The following MACROD1 variants were observed in gnomAD, a reference collection of about 807,000 sequenced individuals.
MACROD1 encodes mono-ADP ribosylhydrolase 1.
Under a neutral mutation model 41.4 loss-of-function variants are expected in MACROD1, and 31 were observed. The observed-to-expected ratio is 0.75, with a 90% CI of 0.56 to 1.01. MACROD1 has a LOEUF of 1.01. Ranked by LOEUF, MACROD1 falls within the 50% of genes least tolerant of loss-of-function variation. The pLI, the probability that MACROD1 is intolerant of heterozygous loss-of-function variation, is 0.00. For synonymous variants in MACROD1, 252 were observed against 203.4 expected, an observed-to-expected ratio of 1.24 and a Z score of -2.03; for missense variants, 473 against 460.0, an observed-to-expected ratio of 1.03 and a Z score of -0.26.
chr11:64,051,140 GC>G (rs1943686484), intron 3 of MACROD1, among the ~76,000 whole-genome samples: 1 of 152,210 alleles, frequency 6.6e-6, no homozygotes, highest in Non-Finnish European at 1.5e-5. Flanking sequence ...CAGGTTTGAG[GC>G]CCCCTGACCA....
intron 3 of MACROD1, among the ~76,000 whole-genome samples, chr11:64,125,372 C>G (rs1386359603): frequency 6.6e-6 from 1 of 152,208 alleles, no homozygotes; most frequent in East Asian, 1.9e-4. Flanking sequence ...AGAGTCAGCA[C>G]CTTGCCCTTC....
intron 4 of MACROD1, among the ~76,000 whole-genome samples, chr11:64,004,726 C>T (rs1026525265): frequency 1.3e-5 from 2 of 152,122 alleles, no homozygotes; most frequent in African/African-American, 4.8e-5. Flanking sequence ...AGTCACTTAA[C>T]CTCTCTGAGT....
intron 4 of MACROD1, among the ~76,000 whole-genome samples, chr11:64,002,012 C>T (rs1590788694): frequency 6.6e-6 from 1 of 152,218 alleles, no homozygotes; most frequent in Non-Finnish European, 1.5e-5. Flanking sequence ...GTTAAACTAA[C>T]TTTGTAATGT....
chr11:64,112,525 A>G (rs1846466548), intron 3 of MACROD1, among the ~76,000 whole-genome samples: 1 of 152,192 alleles, frequency 6.6e-6, no homozygotes, highest in South Asian at 2.1e-4. Flanking sequence ...AAAGCAAAAC[A>G]AGGCAAAACA....
Position 64,085,240 on chromosome 11 carries a change from G to A in MACROD1, c.517+65999C>T, listed in dbSNP as rs1421302695. 2.0e-5 allele frequency among the ~76,000 whole-genome samples: 3 copies of A among 152,204 alleles called. No individual in the cohort carries two copies. The South Asian group carries it at 6.2e-4, about 31-fold the overall frequency. ...AAGGCTTAGCGGGGCTCCTTGGAGA[G>A]CAGCGCTGTCCCTGGGCACCACGGA... On this transcript the variant is annotated intron_variant, in intron 3 of 10. Coordinates refer to ENST00000255681, the MANE Select transcript of MACROD1 (RefSeq NM_014067.4).
intron 3 of MACROD1, among the ~76,000 whole-genome samples, chr11:64,089,991 C>G (rs1255503404): frequency 2.6e-5 from 4 of 152,198 alleles, no homozygotes; most frequent in Non-Finnish European, 4.4e-5. Context: ...ATTGTTTCAG[C>G]ACTTATGACA....
chr11:64,021,652 T>C (rs978896281), intron 3 of MACROD1, among the ~76,000 whole-genome samples: 85 of 151,538 alleles, frequency 5.6e-4, no homozygotes, highest in African/African-American at 1.9e-3. Context: ...CAGCCAGGAG[T>C]TGGGGGGGTG....
At chr11:64,145,899 A>T (rs1484676493) in intron 3 of MACROD1, among the ~76,000 whole-genome samples, 1 of 152,114 alleles carries the variant, frequency 6.6e-6, no homozygotes, top group Non-Finnish European at 1.5e-5. Context: ...CCTCCTGACT[A>T]GCTGGGACTA....
rs750107088 is a variant in MACROD1, at chr11:64,151,370, G to C, written c.401-15C>G. The C allele has an allele frequency of 3.8e-6, 6 of 1,595,766 alleles. No homozygotes were observed. In the East Asian group the frequency reaches 1.3e-4, roughly 36 times the overall value. On this transcript the variant is annotated splice_polypyrimidine_tract_variant and intron_variant, in intron 2 of 10. Transcript: ENST00000255681. ...CACAGCCACCCCTGGAACAAGTAGG[G>C]GCCGGGGAGGTCACAGCGAGGCTGC...
At chr11:64,147,586 C>T (rs1945512626) in intron 3 of MACROD1, among the ~76,000 whole-genome samples, 1 of 151,370 alleles carries the variant, frequency 6.6e-6, no homozygotes, top group Non-Finnish European at 1.5e-5. Flanking sequence ...TCACGCCTGG[C>T]TAATTTTTGT....
intron 3 of MACROD1, chr11:64,117,457 G>C: frequency 6.2e-7 from 1 of 1,613,028 alleles, no homozygotes; most frequent in Non-Finnish European, 8.5e-7. Context: ...ACCACGGCCA[G>C]CAACCACGCC....
intron 3 of MACROD1, among the ~76,000 whole-genome samples, chr11:64,133,037 A>C (rs2134662428): frequency 2.0e-5 from 3 of 152,224 alleles, no homozygotes; most frequent in Middle Eastern, 6.8e-3. Context: ...AGTGAGCTGG[A>C]GGGAAATGCA....
At chr11:64,124,858 T>C (rs1187331470) in intron 3 of MACROD1, among the ~76,000 whole-genome samples, 4 of 152,192 alleles carry the variant, frequency 2.6e-5, no homozygotes, top group Admixed American at 2.0e-4. Flanking sequence ...TTTTGCATTT[T>C]AAGTAGAGAC....
rs192392572 is a variant in MACROD1, at chr11:64,010,395, C to T, written c.547+4857G>A. On this transcript the variant is annotated intron_variant, in intron 4 of 10. Transcript: ENST00000255681. ...CTGGGATGTTGGCTGGGGTGTTGACCGGGGTGTTGGCTGGAGTGTTGGTTG... is the reference window on the plus strand; with the variant it reads ...CTGGGATGTTGGCTGGGGTGTTGACTGGGGTGTTGGCTGGAGTGTTGGTTG... 3.2e-3 allele frequency among the ~76,000 whole-genome samples: 314 copies of T among 98,040 alleles called. 7 individuals carry two copies. In the South Asian group the frequency reaches 0.053, roughly 17 times the overall value. The allele number at this position is 98,040 out of a possible 152,430, so 64.3% of individuals were successfully genotyped here. A position where few individuals can be genotyped will look rare whatever the true frequency, so the allele number is the denominator to read the frequency against.
chr11:64,106,771 T>C (rs982660520), intron 3 of MACROD1, among the ~76,000 whole-genome samples: 1 of 152,250 alleles, frequency 6.6e-6, no homozygotes, highest in African/African-American at 2.4e-5. Context: ...TCTGGAGGAC[T>C]GTCCCCAGCC....
chr11:64,079,448 A>C (rs548053905), intron 3 of MACROD1, among the ~76,000 whole-genome samples: 78 of 152,298 alleles, frequency 5.1e-4, no homozygotes, highest in African/African-American at 1.4e-3. Context: ...GCCAAGATCC[A>C]AGAAATGAGC....
rs1459250006 is a variant in MACROD1, at chr11:64,120,277, G to A, written c.517+30962C>T. ...CAGCCCTGGGGAACAGCCGAGCAGCGTGGTCACGTTTCACTCGAAACTAGA... is the reference window on the plus strand; with the variant it reads ...CAGCCCTGGGGAACAGCCGAGCAGCATGGTCACGTTTCACTCGAAACTAGA... On this transcript the variant is annotated intron_variant, in intron 3 of 10. Transcript: ENST00000255681. This position sits in a 1 kb window ranked among gnomAD's most constrained non-coding sequence, Gnocchi z 4.5. Among the ~76,000 whole-genome samples the A allele has an allele frequency of 6.6e-6, 1 of 152,186 alleles. No individual in the cohort carries two copies. The highest frequency in any genetic ancestry group is 2.4e-5 in the African/African-American group (1 of 41,432).
chr11:64,143,798 ACAC>A (rs1565257720), intron 3 of MACROD1, among the ~76,000 whole-genome samples: 2 of 146,532 alleles, frequency 1.4e-5, no homozygotes, highest in South Asian at 2.2e-4. Flanking sequence ...ACACACACAC[ACAC>A]AATTTCCTGG....
intron 3 of MACROD1, among the ~76,000 whole-genome samples, chr11:64,127,351 G>C (rs1252752049): frequency 1.3e-5 from 2 of 152,176 alleles, no homozygotes; most frequent in African/African-American, 2.4e-5. Context: ...CCAGGTGTCC[G>C]GGGCACACGT....
Sources: allele counts gnomAD v4.1 joint callset (sites outside exome capture counted in the v4.1 genomes callset), GRCh38; gene constraint gnomAD v4.1.1; non-coding constraint Gnocchi (gnomAD v3.1); transcripts MANE v1.5; gene names NCBI Gene and HGNC (gene_info 2026-07-23, HGNC 2026-07-21).